The following CDHR1 variants were observed in gnomAD, a reference collection of about 807,000 sequenced individuals.
CDHR1 encodes cadherin-related family member 1.
Under a neutral mutation model 72.1 loss-of-function variants are expected in CDHR1, and 61 were observed. The observed-to-expected ratio is 0.85, with a 90% CI of 0.69 to 1.05. The LOEUF is 1.05. Among genes scored for constraint, CDHR1 ranks in the 50% least tolerant of loss-of-function variants. The pLI is 0.00. For synonymous variants in CDHR1, 470 were observed against 448.1 expected (o/e 1.05, Z -0.62); for missense variants, 1,186 against 1,115.7 (o/e 1.06, Z -0.90).
intron 9 of CDHR1, 27 bp downstream of exon 9, chr10:84,204,632 C>T (rs959339386): frequency 4.6e-6 from 7 of 1,510,640 alleles, no homozygotes; most frequent in South Asian, 1.1e-5. Flanking sequence ...TTGGGGGCTG[C>T]AGCTTTGACT....
chr10:84,201,740 C>T (rs927854245), intron 6 of CDHR1, 67 bp from the exon 7 acceptor site: 2 of 1,315,324 alleles, frequency 1.5e-6, no homozygotes, highest in African/African-American at 1.4e-5. Context: ...CTTCAGAAAG[C>T]AGAGCGGGCA....
At chr10:84,205,668 T>G in intron 9 of CDHR1, 159 bp from the exon 10 acceptor site, 1 of 685,588 alleles carries the variant, frequency 1.5e-6, no homozygotes, top group Non-Finnish European at 2.7e-6. Flanking sequence ...GACAAGTTAC[T>G]TAGCCCCTCT....
Position 84,200,588 on chromosome 10 carries a change from G to T in CDHR1, c.439-13G>T. The T allele has an allele frequency of 5.0e-6, 8 of 1,597,400 alleles. No individual in the cohort carries two copies. Among genetic ancestry groups the T allele is most frequent in the Non-Finnish European group, 6.8e-6 (8 of 1,169,154 alleles). Reference sequence around the variant, plus strand: ...CTGTCTCTGACCCTCCCCTGTGGCTGTGACCCCCTCAGGACATACCTGCTG... The same window carrying T: ...CTGTCTCTGACCCTCCCCTGTGGCTTTGACCCCCTCAGGACATACCTGCTG... On this transcript the variant is annotated splice_polypyrimidine_tract_variant and intron_variant, in intron 5 of 16. Coordinates refer to ENST00000623527, the MANE Select transcript of CDHR1 (RefSeq NM_033100.4).
chr10:84,213,996 A>G lies in CDHR1; in HGVS notation c.2041-86A>G, dbSNP rs192350302. On this transcript the variant is annotated intron_variant, in intron 16 of 16. Coordinates refer to ENST00000623527, the MANE Select transcript of CDHR1 (RefSeq NM_033100.4). Reference sequence around the variant, plus strand: ...CCTGACTCCAGAAAGTTTAAAAACCATTAGGCTTAAGGAAGCACATACCTA... The same window carrying G: ...CCTGACTCCAGAAAGTTTAAAAACCGTTAGGCTTAAGGAAGCACATACCTA... 6.3e-5 allele frequency: 100 copies of G among 1,577,952 alleles called. No individual in the cohort carries two copies. The African/African-American group carries it at 1.2e-3, about 18-fold the overall frequency.
At chr10:84,212,482 T>G (rs1196358699) in intron 15 of CDHR1, 75 bp downstream of exon 15, 4 of 1,314,054 alleles carry the variant, frequency 3.0e-6, no homozygotes, top group Middle Eastern at 1.9e-4. Context: ...GGCATAAGAA[T>G]TTCATTGAAG....
intron 5 of CDHR1, among the ~76,000 whole-genome samples, chr10:84,200,112 G>C (rs1006278473): frequency 9.2e-5 from 14 of 151,932 alleles, no homozygotes; most frequent in African/African-American, 3.4e-4. Flanking sequence ...AGAGGTTGCA[G>C]TGAGCCAAGA....
rs956514653 is a variant in CDHR1 at position 84,217,394 on chromosome 10, G to A, written c.*2773G>A. ...CTCTGCAGAGTCATTTTCCTCCTGC[G>A]GCTGAGCTCAGATCTTCCAATCACG... On this transcript the variant is annotated 3_prime_UTR_variant, in exon 17 of 17. Coordinates refer to ENST00000623527, the MANE Select transcript of CDHR1 (RefSeq NM_033100.4). 4.5e-5 allele frequency: 44 copies of A among 985,298 alleles called. No homozygotes were observed. The African/African-American group carries it at 6.8e-4, about 15-fold the overall frequency. 61.0% of individuals were successfully genotyped at this position (985,298 alleles called of 1,614,324 possible). A position where few individuals can be genotyped will look rare whatever the true frequency, so the allele number is the denominator to read the frequency against.
At chr10:84,211,627 C>A in intron 13 of CDHR1, 21 bp from the exon 14 acceptor site, 1 of 1,612,448 alleles carries the variant, frequency 6.2e-7, no homozygotes, top group Non-Finnish European at 8.5e-7. Flanking sequence ...CACGTGCCAC[C>A]CAGGGCTCTT....
intron 15 of CDHR1, 79 bp downstream of exon 15, chr10:84,212,486 A>C: frequency 1.2e-5 from 16 of 1,291,182 alleles, no homozygotes; most frequent in Non-Finnish European, 1.6e-5. Flanking sequence ...TAAGAATTTC[A>C]TTGAAGATAA....
In CDHR1 at chr10:84,195,594, G is replaced by A. The variant is rs748402452; in HGVS notation, c.151+5G>A. 1.2e-6 allele frequency: 2 copies of A among 1,611,872 alleles called. No homozygotes were observed. The highest frequency in any genetic ancestry group is 1.7e-6 in the Non-Finnish European group (2 of 1,178,082). Reference sequence around the variant, plus strand: ...TCCCAGAGGACACCCCTGTAGGTGAGTAGCCCTGGCACCTGCTCCCGATAG... The same window carrying A: ...TCCCAGAGGACACCCCTGTAGGTGAATAGCCCTGGCACCTGCTCCCGATAG... On this transcript the variant is annotated splice_donor_5th_base_variant and intron_variant, in intron 2 of 16. Transcript: ENST00000623527.
chr10:84,203,745 C>T (rs1233540325), intron 8 of CDHR1, among the ~76,000 whole-genome samples: 1 of 152,186 alleles, frequency 6.6e-6, no homozygotes, highest in African/African-American at 2.4e-5. Context: ...CAAAATGAAA[C>T]ACTTTTTGAG....
chr10:84,204,537 T>C lies in CDHR1; in HGVS notation c.794T>C (p.Val265Ala). The C allele has an allele frequency of 6.2e-7, 1 of 1,612,764 alleles. No homozygotes were observed. The highest frequency in any genetic ancestry group is 1.3e-5 in the African/African-American group (1 of 74,968). ...TCCTGTTTCCCCGAGGGCTCGGAGG[T>C]ACTGAAGGTGGTCGCCATGGATGGA... ...VYEDTLPGSE[V>A]LKVVAMDGDR... Residue 265 changes from valine to alanine, a missense_variant, in exon 9 of 17, where the codon GTA becomes GCA. Val to Ala is a moderately conservative substitution (Grantham distance 64). Transcript: ENST00000623527.
chr10:84,207,009 C>T (rs1295268750), intron 10 of CDHR1, among the ~76,000 whole-genome samples: 1 of 152,038 alleles, frequency 6.6e-6, no homozygotes, highest in Non-Finnish European at 1.5e-5. Context: ...CAGGTGGTCC[C>T]GTGCCGTCAG....
chr10:84,212,805 A>C (rs2132832617), intron 15 of CDHR1: 1 of 556,914 alleles, frequency 1.8e-6, no homozygotes, highest in Non-Finnish European at 3.2e-6. Context: ...TGGGAAAGCC[A>C]CTTTGCATCT....
chr10:84,205,104 A>C (rs534166712), intron 9 of CDHR1, among the ~76,000 whole-genome samples: 20 of 152,140 alleles, frequency 1.3e-4, no homozygotes, highest in Non-Finnish European at 2.2e-4. Context: ...TTTGAACCTG[A>C]GCCTGCTAGC....
chr10:84,211,979 A>T (rs1326094526), intron 14 of CDHR1, among the ~76,000 whole-genome samples, 200 bp from the exon 15 acceptor site: 3 of 152,194 alleles, frequency 2.0e-5, no homozygotes, highest in Non-Finnish European at 4.4e-5. Context: ...GCTAAGCTGG[A>T]TAGTGATAGA....
At position 84,216,916 on chromosome 10, in the gene CDHR1, A is replaced by T. The variant is rs1842434644; in HGVS notation, c.*2295A>T. 1 of 985,514 alleles carries T rather than the reference A, an allele frequency of 1.0e-6. No homozygotes were observed. Among genetic ancestry groups the T allele is most frequent in the Non-Finnish European group, 1.2e-6 (1 of 829,972 alleles). 61.0% of individuals were successfully genotyped at this position (985,514 alleles called of 1,614,324 possible). ...TGGGAAGCACTGTCGTCTCTCAGAC[A>T]GGCGTCCTAAAGACCTCTAGGCTGG... On this transcript the variant is annotated 3_prime_UTR_variant, in exon 17 of 17. Transcript: ENST00000623527.
chr10:84,194,646 T>G lies in CDHR1; in HGVS notation c.-115T>G. 11 of 611,618 alleles carry G rather than the reference T, an allele frequency of 1.8e-5. No homozygotes were observed. Among genetic ancestry groups the G allele is most frequent in the Non-Finnish European group, 2.7e-5 (11 of 413,524 alleles). The allele number at this position is 611,618 out of a possible 1,614,324, so 37.9% of individuals were successfully genotyped here. On this transcript the variant is annotated 5_prime_UTR_variant, in exon 1 of 17. Transcript: ENST00000623527. ...GCCCCGTGCCCCCTCCCGCCGCGGC[T>G]GCAGTCGCCGCTACCCCCATTGTGG...
At position 84,215,611 on chromosome 10, in the gene CDHR1, A is replaced by G. The variant is rs1439994310; in HGVS notation, c.*990A>G. The G allele has an allele frequency of 2.2e-6, 2 of 924,178 alleles. No homozygotes were observed. Among genetic ancestry groups the G allele is most frequent in the Non-Finnish European group, 2.6e-6 (2 of 774,086 alleles). The allele number at this position is 924,178 out of a possible 1,614,324, so 57.2% of individuals were successfully genotyped here. A position where few individuals can be genotyped will look rare whatever the true frequency, so the allele number is the denominator to read the frequency against. On this transcript the variant is annotated 3_prime_UTR_variant, in exon 17 of 17. Coordinates refer to ENST00000623527, the MANE Select transcript of CDHR1 (RefSeq NM_033100.4). ...GAAGAAAGTAGGCCCTGTCTACCTC[A>G]CATGCAGGTCTAGGGTGAGGATTGA...
Sources: allele counts gnomAD v4.1 joint callset (sites outside exome capture counted in the v4.1 genomes callset), GRCh38; gene constraint gnomAD v4.1.1; transcripts MANE v1.5; gene names NCBI Gene and HGNC (gene_info 2026-07-23, HGNC 2026-07-21).